The following PITPNM3 variants were observed in gnomAD, a reference collection of about 807,000 sequenced individuals.
PITPNM3 encodes membrane-associated phosphatidylinositol transfer protein 3.
Under a neutral mutation model 102.0 loss-of-function variants are expected in PITPNM3, and 26 were observed. The observed-to-expected ratio is 0.25, with a 90% CI of 0.19 to 0.35. The LOEUF (loss-of-function observed/expected upper bound fraction) is 0.35, where lower values mean the gene tolerates loss of function less well. PITPNM3 is among the 10% of genes least tolerant of loss of function. The pLI, the probability that PITPNM3 is intolerant of heterozygous loss-of-function variation, is 1.00. For missense variants in PITPNM3, 1,083 were observed against 1,346.1 expected (o/e 0.80, Z 3.06); for synonymous variants, 578 against 558.6 (o/e 1.03, Z -0.49).
chr17:6,488,423 G>A (rs149690584), intron 4 of PITPNM3, among the ~76,000 whole-genome samples: 36 of 152,188 alleles, frequency 2.4e-4, no homozygotes, highest in African/African-American at 8.4e-4. Context: ...CATAGTATGC[G>A]GCACTGGTCC....
In PITPNM3 at chr17:6,478,687, G is replaced by C; in HGVS notation, c.637C>G (p.His213Asp). Reference sequence around the variant, plus strand: ...AGGGGAAGGGCGGCCAGAGGGACGTGGTCCTGGCTGCTGCTGAGGCAGCCC... The same window carrying C: ...AGGGGAAGGGCGGCCAGAGGGACGTCGTCCTGGCTGCTGCTGAGGCAGCCC... ...DEGCLSSSQD[H>D]VPLAALPLLA... Residue 213 changes from histidine to aspartate, a missense_variant, in exon 7 of 20, where the codon CAC (histidine) becomes GAC (aspartate). Coordinates refer to ENST00000262483, the MANE Select transcript of PITPNM3 (RefSeq NM_031220.4). The surrounding 1 kb of genome is among the most constrained non-coding windows in gnomAD (Gnocchi z 4.4). The C allele has an allele frequency of 6.2e-7, 1 of 1,607,428 alleles. No homozygotes were observed. Among genetic ancestry groups the C allele is most frequent in the Non-Finnish European group, 8.5e-7 (1 of 1,176,906 alleles).
intron 2 of PITPNM3, among the ~76,000 whole-genome samples, chr17:6,536,368 T>C (rs1909432136): frequency 2.0e-5 from 3 of 152,218 alleles, no homozygotes; most frequent in South Asian, 4.1e-4. Flanking sequence ...TGCAGAAATG[T>C]TTTAAATGAA....
chr17:6,537,544 C>T lies in PITPNM3; in HGVS notation c.118+443G>A, dbSNP rs369188805. Among the ~76,000 whole-genome samples, 14 of 152,344 alleles carry T rather than the reference C, an allele frequency of 9.2e-5. No homozygotes were observed. The highest frequency in any genetic ancestry group is 3.4e-4 in the African/African-American group (14 of 41,572). On this transcript the variant is annotated intron_variant, in intron 2 of 19. Coordinates refer to ENST00000262483, the MANE Select transcript of PITPNM3 (RefSeq NM_031220.4). The surrounding 1 kb of genome is among the most constrained non-coding windows in gnomAD (Gnocchi z 4.4). ...CAGGTGATCCACCCACCTTGGCCTC[C>T]CAAAGTGCTGGGATTACAGGTGTGA... is the stretch of plus-strand genomic sequence containing the variant.
chr17:6,474,551 G>C lies in PITPNM3; in HGVS notation c.1139C>G (p.Pro380Arg), dbSNP rs536434931. The C allele has an allele frequency of 1.2e-6, 2 of 1,603,836 alleles. No individual in the cohort carries two copies. Reference sequence around the variant, plus strand: ...GCCCAGGCTGACCTCAGGGAGCTGCGGCCCCCCAGCCGCCGGGGTCTCAGA... The same window carrying C: ...GCCCAGGCTGACCTCAGGGAGCTGCCGCCCCCCAGCCGCCGGGGTCTCAGA... ...DESETPAAGGPQLPEVSLGRF... is the reference protein window; with the variant it reads ...DESETPAAGGRQLPEVSLGRF... The change falls in exon 10 of 20, where the codon CCG (proline) becomes CGG (arginine). Residue 380 changes from proline (P) to arginine (R), a missense_variant. Pro to Arg is a moderately radical substitution (Grantham distance 103). Transcript: ENST00000262483.
rs745374862 is a variant in PITPNM3 at position 6,503,554 on chromosome 17, T to G, written c.247A>C (p.Thr83Pro). 9.9e-6 allele frequency: 16 copies of G among 1,612,214 alleles called. No homozygotes were observed. The highest frequency in any genetic ancestry group is 1.4e-5 in the Non-Finnish European group (16 of 1,180,020). Residue 83 changes from threonine to proline, a missense_variant, in exon 4 of 20, where the codon ACA becomes CCA. This residue lies in a region of PITPNM3 where 290 missense variants were observed against 337.8 expected (regional missense o/e 0.86). Transcript: ENST00000262483. Reference protein sequence around the residue: ...EHQGEGTAPCTSSILQEKQRE... With the variant: ...EHQGEGTAPCPSSILQEKQRE... ...TGCTTCTCCTGGAGGATGCTGGATGTGCACGGCGCGGTCCCTTCTCCTGCA... is the reference window on the plus strand; with the variant it reads ...TGCTTCTCCTGGAGGATGCTGGATGGGCACGGCGCGGTCCCTTCTCCTGCA...
At chr17:6,534,795 G>A (rs1326966978) in intron 2 of PITPNM3, among the ~76,000 whole-genome samples, 1 of 152,150 alleles carries the variant, frequency 6.6e-6, no homozygotes, top group Non-Finnish European at 1.5e-5. Context: ...GTGGGCAGGG[G>A]TGGGGGATCA....
At position 6,470,548 on chromosome 17, in the gene PITPNM3, G is replaced by T; in HGVS notation, c.1625-140C>A. 1.9e-6 allele frequency: 2 copies of T among 1,075,076 alleles called. No individual in the cohort carries two copies. The highest frequency in any genetic ancestry group is 1.4e-6 in the Non-Finnish European group (1 of 716,494). The allele number at this position is 1,075,076 out of a possible 1,614,324, so 66.6% of individuals were successfully genotyped here. On this transcript the variant is annotated intron_variant, in intron 12 of 19. Coordinates refer to ENST00000262483, the MANE Select transcript of PITPNM3 (RefSeq NM_031220.4). The surrounding 1 kb of genome is among the most constrained non-coding windows in gnomAD (Gnocchi z 4.8). ...TTGGGCGGGAGCACCCTGGCCTGGA[G>T]GAGGCCTGGGGAACGCGCTGCTCTT... is the stretch of plus-strand genomic sequence containing the variant.
Position 6,455,514 on chromosome 17 carries a change from GGAACTCTGGCTGCGCGTGCAGCCC to G in PITPNM3, c.2725_2748del (p.Gly909_Phe916del). ...CTGCGCAGGTGGTTGCGCTTCCGCA[GGAACTCTGGCTGCGCGTGCAGCCC>G]GAAGCTGCCCTTGCGCAGGATCATG... On this transcript the variant is annotated inframe_deletion, in exon 20 of 20. Coordinates refer to ENST00000262483, the MANE Select transcript of PITPNM3 (RefSeq NM_031220.4). 6.2e-7 allele frequency: 1 copy of G among 1,605,814 alleles called. No individual in the cohort carries two copies. The highest frequency in any genetic ancestry group is 8.5e-7 in the Non-Finnish European group (1 of 1,179,578).
chr17:6,464,512 A>T, intron 15 of PITPNM3, 143 bp downstream of exon 15: 1 of 1,077,876 alleles, frequency 9.3e-7, no homozygotes. Context: ...CGGCCCGCCC[A>T]AGCAGGTGGG....
In PITPNM3 at chr17:6,482,036, G is replaced by GTCTCTCTCTC. The variant is rs1567670360; in HGVS notation, c.587+1480_587+1481insGAGAGAGAGA. Among the ~76,000 whole-genome samples, 26 of 25,844 alleles carry GTCTCTCTCTC rather than the reference G, an allele frequency of 1.0e-3. 2 individuals carry two copies. The highest frequency in any genetic ancestry group is 3.0e-3 in the South Asian group (2 of 658). 17.0% of individuals were successfully genotyped at this position (25,844 alleles called of 152,430 possible). A position where few individuals can be genotyped will look rare whatever the true frequency, so the allele number is the denominator to read the frequency against. ...TCTCTCTCTCTCTCTCTCTCTCTCT[G>GTCTCTCTCTC]TCTGTCTCTCTCTCTCTCTCTCTCT... is the stretch of plus-strand genomic sequence containing the variant. On this transcript the variant is annotated intron_variant, in intron 6 of 19. Coordinates refer to ENST00000262483, the MANE Select transcript of PITPNM3 (RefSeq NM_031220.4).
chr17:6,466,193 G>A (rs1222416861), intron 14 of PITPNM3, among the ~76,000 whole-genome samples: 1 of 152,112 alleles, frequency 6.6e-6, no homozygotes, highest in Non-Finnish European at 1.5e-5. Context: ...GCCATCCCTG[G>A]CCCTGGCCCT....
Position 6,507,780 on chromosome 17 carries a change from C to T in PITPNM3, c.227-4206G>A, listed in dbSNP as rs564984488. ...GGAGGACTCCAGCGCAGGGAGGAGC[C>T]GGGTCTGAGTCATTACCTCCACATT... is the stretch of plus-strand genomic sequence containing the variant. On this transcript the variant is annotated intron_variant, in intron 3 of 19. Transcript: ENST00000262483. Among the ~76,000 whole-genome samples the T allele has an allele frequency of 3.9e-4, 59 of 152,218 alleles. 1 individual carries two copies. In the South Asian group the frequency reaches 0.012, roughly 30 times the overall value.
rs1482062499 is a variant in PITPNM3 at position 6,455,544 on chromosome 17, T to C, written c.2719A>G (p.Ser907Gly). 2 of 1,604,006 alleles carry C rather than the reference T, an allele frequency of 1.2e-6. No individual in the cohort carries two copies. The highest frequency in any genetic ancestry group is 1.3e-5 in the African/African-American group (1 of 74,426). ...NNSRMILRKGSFGLHAQPEFL... is the reference protein window; with the variant it reads ...NNSRMILRKGGFGLHAQPEFL... ...TCTGGCTGCGCGTGCAGCCCGAAGC[T>C]GCCCTTGCGCAGGATCATGCGCGAG... is the stretch of plus-strand genomic sequence containing the variant. Residue 907 changes from serine to glycine, a missense_variant, in exon 20 of 20, where the codon AGC becomes GGC. Ser to Gly is a moderately conservative substitution (Grantham distance 56, BLOSUM62 0). Around this residue, in one of 5 missense-constraint regions of PITPNM3, gnomAD observed 208 missense variants for 178.2 expected, o/e 1.17. Transcript: ENST00000262483.
intron 4 of PITPNM3, among the ~76,000 whole-genome samples, chr17:6,493,502 A>G (rs371099398): frequency 3.3e-5 from 5 of 152,234 alleles, no homozygotes; most frequent in East Asian, 3.8e-4. Context: ...ACAGTTCAAG[A>G]GTGACCTGTG....
In PITPNM3 at chr17:6,477,115, C is replaced by A. The variant is rs1041124020; in HGVS notation, c.999G>T (p.Glu333Asp). 5 of 1,614,194 alleles carry A rather than the reference C, an allele frequency of 3.1e-6. No homozygotes were observed. The highest frequency in any genetic ancestry group is 8.5e-7 in the Non-Finnish European group (1 of 1,180,026). ...IDISSGLEDE[E>D]PKRPLPRKQS... ...GTTTCCGCGGCAACGGCCTCTTGGG[C>A]TCCTCATCCTCCAACCCACTGGAGA... Residue 333 changes from glutamate (E) to aspartate (D), a missense_variant, in exon 9 of 20, where the codon GAG (glutamate) becomes GAT (aspartate). Transcript: ENST00000262483.
intron 6 of PITPNM3, chr17:6,481,767 G>GATAT (rs1374393291): frequency 2.0e-5 from 3 of 151,140 alleles, no homozygotes; most frequent in African/African-American, 4.9e-5. Flanking sequence ...TAGATAGATA[G>GATAT]ATAGATAGAT....
chr17:6,464,552 G>A, intron 15 of PITPNM3, 103 bp downstream of exon 15: 7 of 1,266,110 alleles, frequency 5.5e-6, no homozygotes, highest in Non-Finnish European at 7.9e-6. Flanking sequence ...TCCACCCCAG[G>A]CAGCTCGGCC....
Position 6,556,133 on chromosome 17 carries a change from T to C in PITPNM3, c.22+252A>G, listed in dbSNP as rs2032639018. ...GGACTGGCCCGGGGCGCCGCAGACC[T>C]GGCCCTTTCCGGCGGGGCCGTGGAG... is the stretch of plus-strand genomic sequence containing the variant. On this transcript the variant is annotated intron_variant, in intron 1 of 19. Coordinates refer to ENST00000262483, the MANE Select transcript of PITPNM3 (RefSeq NM_031220.4). This position sits in a 1 kb window ranked among gnomAD's most constrained non-coding sequence, Gnocchi z 5.2. 6.6e-6 allele frequency among the ~76,000 whole-genome samples: 1 copy of C among 151,458 alleles called. No homozygotes were observed. Among genetic ancestry groups the C allele is most frequent in the South Asian group, 2.1e-4 (1 of 4,808 alleles).
At chr17:6,495,763 AGAG>A (rs994152590) in intron 4 of PITPNM3, among the ~76,000 whole-genome samples, 4 of 152,062 alleles carry the variant, frequency 2.6e-5, no homozygotes, top group Non-Finnish European at 4.4e-5. Context: ...CTGGACACAC[AGAG>A]GAGGAGGAGT....
Sources: gnomAD v4.1 joint callset for allele counts (sites outside exome capture counted in the v4.1 genomes callset) on GRCh38, gnomAD v4.1.1 for gene constraint, gnomAD v4.1.1 regional missense constraint, Gnocchi (gnomAD v3.1) non-coding constraint, MANE v1.5 for transcripts, NCBI Gene and HGNC (gene_info 2026-07-23, HGNC 2026-07-21) for gene names.